Variants in NUDT16 observed in about 807,000 individuals in gnomAD.
NUDT16 encodes the protein U8 snoRNA-decapping enzyme.
NUDT16 carries 12 observed loss-of-function variants against 11.7 expected under a neutral mutation model. The ratio of observed to expected loss-of-function variants is 1.03; its 90% CI spans 0.66 to 1.67. The LOEUF is 1.67. Among genes scored for constraint, NUDT16 ranks in the 40% most tolerant of loss-of-function variants. The pLI is 0.00. For missense variants in NUDT16, 303 were observed against 268.9 expected (o/e 1.13, Z -0.89); for synonymous variants, 129 against 122.6 (o/e 1.05, Z -0.35).
chr3:131,382,527 C>T (rs2097456503), intron 2 of NUDT16: 2 of 1,536,050 alleles, frequency 1.3e-6, no homozygotes, highest in African/African-American at 1.4e-5. Context: ...CACCCTTTAC[C>T]AGGAGAGATC....
chr3:131,383,444 A>G lies in NUDT16; in HGVS notation c.*103A>G. On this transcript the variant is annotated 3_prime_UTR_variant, in exon 3 of 3. Coordinates refer to ENST00000521288, the MANE Select transcript of NUDT16 (RefSeq NM_152395.3). This position sits in a 1 kb window ranked among gnomAD's most constrained non-coding sequence, Gnocchi z 4.4. ...TTTCTTATTGGATCTGAGAGATGAT[A>G]CATGATACCAGATGAAAAGAAGGAG... 6.4e-7 allele frequency: 1 copy of G among 1,554,198 alleles called. No homozygotes were observed. The highest frequency in any genetic ancestry group is 8.7e-7 in the Non-Finnish European group (1 of 1,153,194).
chr3:131,382,978 AG>A, intron 2 of NUDT16, 183 bp from the exon 3 acceptor site: 1 of 661,076 alleles, frequency 1.5e-6, no homozygotes, highest in Non-Finnish European at 2.6e-6. Flanking sequence ...TGATAGAGCT[AG>A]ATAATATGTT....
rs1355651073 is a variant in NUDT16 at position 131,383,184 on chromosome 3, C to T, written c.431C>T (p.Pro144Leu). 1 of 1,612,950 alleles carries T rather than the reference C, an allele frequency of 6.2e-7. No homozygotes were observed. The highest frequency in any genetic ancestry group is 1.1e-5 in the South Asian group (1 of 91,032). ...GLEVLGLVRV[P>L]LYTLRDGVGG... ...CAGGTGCTGGGCCTGGTGCGAGTGC[C>T]CCTGTATACCCTGCGGGATGGTGTA... Residue 144 changes from proline (P) to leucine (L), a missense_variant, in exon 3 of 3, where the codon CCC becomes CTC. Pro to Leu is a moderately conservative substitution (Grantham distance 98, BLOSUM62 -3). Coordinates refer to ENST00000521288, the MANE Select transcript of NUDT16 (RefSeq NM_152395.3). The surrounding 1 kb of genome is among the most constrained non-coding windows in gnomAD (Gnocchi z 4.4).
chr3:131,386,115 A>T lies in NUDT16; in HGVS notation c.*2774A>T, dbSNP rs910238209. The stretch of plus-strand genomic sequence containing the variant: ...CTCTGGAGATGGTTGCGTGGGGAAG[A>T]GCCCATGACTTTCCTATATGATCCC... On this transcript the variant is annotated 3_prime_UTR_variant, in exon 3 of 3. Transcript: ENST00000521288. 95 of 152,302 alleles carry T rather than the reference A, an allele frequency of 6.2e-4. No individual in the cohort carries two copies. The highest frequency in any genetic ancestry group is 2.1e-3 in the African/African-American group (89 of 41,556). 9.4% of individuals were successfully genotyped at this position (152,302 alleles called of 1,614,324 possible). A position where few individuals can be genotyped will look rare whatever the true frequency, so the allele number is the denominator to read the frequency against.
rs1559771102 is a variant in NUDT16 at position 131,382,409 on chromosome 3, GC to G, written c.408+98del. The stretch of plus-strand genomic sequence containing the variant: ...AAAGCATCCCTGGAGAAAAGTCTTT[GC>G]CCCTCTGACCTTGCCCTCTCCCCAG... On this transcript the variant is annotated intron_variant, in intron 2 of 2. Transcript: ENST00000521288. The G allele has an allele frequency of 9.0e-6, 14 of 1,561,458 alleles. No homozygotes were observed. In the East Asian group the frequency reaches 3.3e-4, roughly 37 times the overall value.
rs2097455394 is a variant in NUDT16 at position 131,381,868 on chromosome 3, G to A, written c.64G>A (p.Ala22Thr). 1 of 1,606,386 alleles carries A rather than the reference G, an allele frequency of 6.2e-7. No homozygotes were observed. Residue 22 changes from alanine to threonine, a missense_variant, in exon 1 of 3, where the codon GCG becomes ACG. Coordinates refer to ENST00000521288, the MANE Select transcript of NUDT16 (RefSeq NM_152395.3). The part of the protein sequence containing the change: ...ALALGSGWRH[A>T]CHALLYAPDP... ...GGCGCTGGGGTCGGGCTGGCGTCAT[G>A]CGTGCCACGCTCTCCTCTACGCGCC...
At position 131,385,788 on chromosome 3, in the gene NUDT16, G is replaced by T. The variant is rs2097459582; in HGVS notation, c.*2447G>T. 1 of 152,290 alleles carries T rather than the reference G, an allele frequency of 6.6e-6. No homozygotes were observed. Among genetic ancestry groups the T allele is most frequent in the African/African-American group, 2.4e-5 (1 of 41,470 alleles). The allele number at this position is 152,290 out of a possible 1,614,324, so 9.4% of individuals were successfully genotyped here. On this transcript the variant is annotated 3_prime_UTR_variant, in exon 3 of 3. Coordinates refer to ENST00000521288, the MANE Select transcript of NUDT16 (RefSeq NM_152395.3). ...CATTCCAGTGGCCCCTGGGGTTCCA[G>T]CCTGTAGCAGCTTCATCTGTGCTTT...
intron 2 of NUDT16, 184 bp downstream of exon 2, chr3:131,382,499 T>C: frequency 2.0e-6 from 3 of 1,536,216 alleles, no homozygotes; most frequent in Non-Finnish European, 2.6e-6. Context: ...AACCTGGGCT[T>C]TCTGTAAAGG....
At chr3:131,381,759 C>A (rs1240450397), upstream of NUDT16, 5 of 1,530,302 alleles carry the variant, frequency 3.3e-6, no homozygotes, top group Non-Finnish European at 4.4e-6. Context: ...AGACCCGCCC[C>A]TCTGCCCATT....
rs2097460527 is a variant in NUDT16 at position 131,387,337 on chromosome 3, G to C, written c.*3996G>C. Reference sequence around the variant, plus strand: ...TATGTTCCCTTTAGGGGTAGAGGTAGTCTACAGGGGCCAGCTGGGCAGAGA... The same window carrying C: ...TATGTTCCCTTTAGGGGTAGAGGTACTCTACAGGGGCCAGCTGGGCAGAGA... On this transcript the variant is annotated 3_prime_UTR_variant, in exon 3 of 3. Coordinates refer to ENST00000521288, the MANE Select transcript of NUDT16 (RefSeq NM_152395.3). 6.6e-6 allele frequency: 1 copy of C among 152,228 alleles called. No homozygotes were observed. The highest frequency in any genetic ancestry group is 2.4e-5 in the African/African-American group (1 of 41,438). 9.4% of individuals were successfully genotyped at this position (152,228 alleles called of 1,614,324 possible).
Position 131,382,037 on chromosome 3 carries a change from C to T in NUDT16, c.139-9C>T, listed in dbSNP as rs372691131. Reference sequence around the variant, plus strand: ...CGCCCCTGCCAATCCCCGCTTCCCCCTCCCGCAGATGCAGATGCGCTTCGA... The same window carrying T: ...CGCCCCTGCCAATCCCCGCTTCCCCTTCCCGCAGATGCAGATGCGCTTCGA... On this transcript the variant is annotated splice_polypyrimidine_tract_variant and intron_variant, in intron 1 of 2. Coordinates refer to ENST00000521288, the MANE Select transcript of NUDT16 (RefSeq NM_152395.3). 3.1e-5 allele frequency: 49 copies of T among 1,578,762 alleles called. No homozygotes were observed. The highest frequency in any genetic ancestry group is 3.9e-5 in the Non-Finnish European group (45 of 1,160,660).
At position 131,383,347 on chromosome 3, in the gene NUDT16, G is replaced by A; in HGVS notation, c.*6G>A. The A allele has an allele frequency of 6.2e-7, 1 of 1,614,002 alleles. No homozygotes were observed. The highest frequency in any genetic ancestry group is 8.5e-7 in the Non-Finnish European group (1 of 1,179,988). Reference sequence around the variant, plus strand: ...AGATTCCAGCTCATCACTAGAGGCAGCCCTCCATGGACCCATGAAAACTGA... The same window carrying A: ...AGATTCCAGCTCATCACTAGAGGCAACCCTCCATGGACCCATGAAAACTGA... On this transcript the variant is annotated 3_prime_UTR_variant, in exon 3 of 3. Transcript: ENST00000521288. The surrounding 1 kb of genome is among the most constrained non-coding windows in gnomAD (Gnocchi z 4.4).
rs1183542100 is a variant in NUDT16, at chr3:131,383,098, A to G, written c.409-64A>G. 3.3e-6 allele frequency: 5 copies of G among 1,534,646 alleles called. No homozygotes were observed. The highest frequency in any genetic ancestry group is 4.4e-6 in the Non-Finnish European group (5 of 1,129,028). ...GGGTGAGGCCTGATCTGCTGGAGAA[A>G]GGATGGAGTTAAGGGAATGAGCCAC... On this transcript the variant is annotated intron_variant, in intron 2 of 2. Transcript: ENST00000521288. The surrounding 1 kb of genome is among the most constrained non-coding windows in gnomAD (Gnocchi z 4.4).
Position 131,383,177 on chromosome 3 carries a change from C to A in NUDT16, c.424C>A (p.Arg142=). 1 of 1,612,424 alleles carries A rather than the reference C, an allele frequency of 6.2e-7. No individual in the cohort carries two copies. The highest frequency in any genetic ancestry group is 8.5e-7 in the Non-Finnish European group (1 of 1,179,638). Residue 142 remains arginine, a synonymous_variant, in exon 3 of 3, where the codon CGA becomes AGA. Transcript: ENST00000521288. This position sits in a 1 kb window ranked among gnomAD's most constrained non-coding sequence, Gnocchi z 4.4. ...DHGLEVLGLV[R]VPLYTLRDGV... ...CCTTTTACAGGTGCTGGGCCTGGTGCGAGTGCCCCTGTATACCCTGCGGGA... is the reference window on the plus strand; with the variant it reads ...CCTTTTACAGGTGCTGGGCCTGGTGAGAGTGCCCCTGTATACCCTGCGGGA...
chr3:131,382,751 C>A, intron 2 of NUDT16: 1 of 1,327,874 alleles, frequency 7.5e-7, no homozygotes, highest in Non-Finnish European at 9.8e-7. Flanking sequence ...ATCATCGGGG[C>A]GTCTTATTAA....
chr3:131,382,793 G>C, intron 2 of NUDT16: 2 of 1,084,994 alleles, frequency 1.8e-6, no homozygotes, highest in Non-Finnish European at 2.5e-6. Context: ...TCCTGCATTG[G>C]TGGTGGGGCG....
chr3:131,382,791 T>G, intron 2 of NUDT16: 2 of 1,059,696 alleles, frequency 1.9e-6, no homozygotes, highest in East Asian at 5.7e-5. Flanking sequence ...ATTCCTGCAT[T>G]GGTGGTGGGG....
Position 131,383,150 on chromosome 3 carries a change from T to G in NUDT16, c.409-12T>G. 1 of 1,609,082 alleles carries G rather than the reference T, an allele frequency of 6.2e-7. No individual in the cohort carries two copies. Among genetic ancestry groups the G allele is most frequent in the Non-Finnish European group, 8.5e-7 (1 of 1,177,760 alleles). Reference sequence around the variant, plus strand: ...TGGGGCCCTAGTGTCTCCTGTCTCCTTCCTTTTACAGGTGCTGGGCCTGGT... The same window carrying G: ...TGGGGCCCTAGTGTCTCCTGTCTCCGTCCTTTTACAGGTGCTGGGCCTGGT... On this transcript the variant is annotated splice_polypyrimidine_tract_variant and intron_variant, in intron 2 of 2. Transcript: ENST00000521288. This position sits in a 1 kb window ranked among gnomAD's most constrained non-coding sequence, Gnocchi z 4.4.
At position 131,382,696 on chromosome 3, in the gene NUDT16, T is replaced by C. The variant is rs1559771408; in HGVS notation, c.408+381T>C. On this transcript the variant is annotated intron_variant, in intron 2 of 2. Transcript: ENST00000521288. ...TGATATTTCAGGCAGGGCTAGTAGA[T>C]AGATTATGTATGAAGGTGGTTCTCA... 7 of 1,429,318 alleles carry C rather than the reference T, an allele frequency of 4.9e-6. No individual in the cohort carries two copies. In the African/African-American group the frequency reaches 8.6e-5, roughly 18 times the overall value. 88.5% of individuals were successfully genotyped at this position (1,429,318 alleles called of 1,614,324 possible). A position where few individuals can be genotyped will look rare whatever the true frequency, so the allele number is the denominator to read the frequency against.
Sources: allele counts gnomAD v4.1 joint callset, GRCh38; gene constraint gnomAD v4.1.1; non-coding constraint Gnocchi (gnomAD v3.1); transcripts MANE v1.5; gene names NCBI Gene and HGNC (gene_info 2026-07-23, HGNC 2026-07-21).